Variants in ATR observed in about 807,000 individuals in gnomAD.
The protein encoded by ATR is ATR checkpoint kinase, also known as serine/threonine-protein kinase ATR.
A neutral mutation model predicts 305.3 loss-of-function variants in ATR; 142 were observed. That is an observed-to-expected ratio of 0.47 (90% CI 0.41 to 0.53). The LOEUF (loss-of-function observed/expected upper bound fraction) is 0.53, where lower values mean the gene tolerates loss of function less well. ATR is among the 20% of genes least tolerant of loss of function. The probability of loss-of-function intolerance (pLI) is 0.00; values close to 1 mark genes in which losing one functional copy is unlikely to be tolerated. For missense variants in ATR, 2,135 were observed against 3,133.1 expected (o/e 0.68, Z 7.60); for synonymous variants, 1,050 against 1,068.1 (o/e 0.98, Z 0.33).
At position 142,531,272 on chromosome 3, in the gene ATR, T is replaced by C. The variant is rs1374060212; in HGVS notation, c.3945+3808A>G. On this transcript the variant is annotated intron_variant, in intron 21 of 46. Coordinates refer to ENST00000350721, the MANE Select transcript of ATR (RefSeq NM_001184.4). ...TTATTTTATTTTATTTTTATTATTA[T>C]ACTTTAAGTTTTAGGGTACTTGTAC... Among the ~76,000 whole-genome samples the C allele has an allele frequency of 4.6e-5, 7 of 152,174 alleles. No individual in the cohort carries two copies. The East Asian group carries it at 1.3e-3, about 29-fold the overall frequency.
At chr3:142,470,732 C>T (rs1047234051) in intron 36 of ATR, among the ~76,000 whole-genome samples, 4 of 152,160 alleles carry the variant, frequency 2.6e-5, no homozygotes, top group Non-Finnish European at 5.9e-5. Context: ...AATCTTTTAT[C>T]TCCATAATTT....
chr3:142,542,268 G>A (rs1273037219), intron 17 of ATR, among the ~76,000 whole-genome samples: 1 of 152,146 alleles, frequency 6.6e-6, no homozygotes, highest in Admixed American at 6.5e-5. Context: ...TGGACTAGAT[G>A]TTGTGATGAC....
intron 30 of ATR, among the ~76,000 whole-genome samples, chr3:142,500,624 T>C (rs943122238): frequency 2.0e-5 from 3 of 152,176 alleles, no homozygotes; most frequent in Non-Finnish European, 4.4e-5. Context: ...CTTTTTATTG[T>C]AGTAAAAACA....
At chr3:142,577,539 TACG>T (rs1221796315) in intron 1 of ATR, among the ~76,000 whole-genome samples, 1 of 152,258 alleles carries the variant, frequency 6.6e-6, no homozygotes, top group Admixed American at 6.5e-5. Context: ...GTGATGCAGT[TACG>T]ACAAGAATGG....
At chr3:142,559,559 T>G (rs2034804401) in intron 6 of ATR, 118 bp from the exon 7 acceptor site, 1 of 971,212 alleles carries the variant, frequency 1.0e-6, no homozygotes, top group Non-Finnish European at 1.6e-6. Flanking sequence ...CTATAACAAT[T>G]TAAAGTAAAC....
At position 142,465,826 on chromosome 3, in the gene ATR, G is replaced by A. The variant is rs531590382; in HGVS notation, c.6897+498C>T. The A allele has an allele frequency of 4.3e-4, 73 of 171,404 alleles. 1 individual carries two copies. In the Middle Eastern group the frequency reaches 9.3e-3, roughly 22 times the overall value. The allele number at this position is 171,404 out of a possible 1,614,324, so 10.6% of individuals were successfully genotyped here. The stretch of plus-strand genomic sequence containing the variant: ...TCAAGACTAGCCTGGGCAACATGAC[G>A]AAACCCCGTATCTACAAAAAATTTA... On this transcript the variant is annotated intron_variant, in intron 40 of 46. Coordinates refer to ENST00000350721, the MANE Select transcript of ATR (RefSeq NM_001184.4).
At chr3:142,496,890 G>C in intron 33 of ATR, 123 bp downstream of exon 33, 1 of 1,152,002 alleles carries the variant, frequency 8.7e-7, no homozygotes, top group Non-Finnish European at 1.2e-6. Context: ...GTGTAGCCCT[G>C]ATCATTAAAA....
chr3:142,553,252 C>T lies in ATR; in HGVS notation c.2780G>A (p.Ser927Asn). 1 of 1,614,116 alleles carries T rather than the reference C, an allele frequency of 6.2e-7. No homozygotes were observed. Among genetic ancestry groups the T allele is most frequent in the Non-Finnish European group, 8.5e-7 (1 of 1,180,020 alleles). ...AKSVKLQSFF[S>N]QYKKPICQFL... ...CTGACAGATGGGTTTCTTATACTGGCTGAAAAAACTTTGCAGTTTAACACT... is the reference window on the plus strand; with the variant it reads ...CTGACAGATGGGTTTCTTATACTGGTTGAAAAAACTTTGCAGTTTAACACT... The change falls in exon 13 of 47, where the codon AGC becomes AAC. Residue 927 changes from serine (S) to asparagine (N), a missense_variant. By Grantham distance (46) the Ser-to-Asn change is conservative (BLOSUM62 1). Coordinates refer to ENST00000350721, the MANE Select transcript of ATR (RefSeq NM_001184.4).
In ATR at chr3:142,538,603, A is replaced by G; in HGVS notation, c.3604T>C (p.Cys1202Arg). 6.2e-7 allele frequency: 1 copy of G among 1,613,542 alleles called. No individual in the cohort carries two copies. Among genetic ancestry groups the G allele is most frequent in the Non-Finnish European group, 8.5e-7 (1 of 1,179,630 alleles). ...GAGCCCAGACAAGCATGATCCAGGC[A>G]GCGAACAAAGCAGTCCCAAGCTCTA... The part of the protein sequence containing the change: ...CCRAWDCFVR[C>R]LDHACLGSLL... Residue 1202 changes from cysteine to arginine, a missense_variant, in exon 19 of 47, where the codon TGC (cysteine) becomes CGC (arginine). Physicochemically the swap from Cys to Arg is radical, Grantham distance 180. Transcript: ENST00000350721.
At chr3:142,570,390 T>C (rs550593762) in intron 1 of ATR, among the ~76,000 whole-genome samples, 17 of 152,292 alleles carry the variant, frequency 1.1e-4, no homozygotes, top group African/African-American at 3.9e-4. Flanking sequence ...TTTTTATTTA[T>C]TTATTTACTT....
intron 4 of ATR, among the ~76,000 whole-genome samples, chr3:142,561,684 C>A (rs2108485928): frequency 6.6e-6 from 1 of 152,198 alleles, no homozygotes; most frequent in Admixed American, 6.5e-5. Context: ...AATTTTAATT[C>A]CCTTATAAAA....
Position 142,459,303 on chromosome 3 carries a change from G to T in ATR, c.7273C>A (p.Arg2425=), listed in dbSNP as rs1310011888. ...AALSEKLKVF[R]EFLLPRHPPI... ...GGATGCCTGGGCAGGAGAAATTCTC[G>T]GAATACTTTGAGTTTTTCAGATAAA... The change falls in exon 43 of 47, where the codon CGA becomes AGA. Residue 2425 remains arginine (R), a synonymous_variant. Coordinates refer to ENST00000350721, the MANE Select transcript of ATR (RefSeq NM_001184.4). 1 of 1,613,790 alleles carries T rather than the reference G, an allele frequency of 6.2e-7. No homozygotes were observed. Among genetic ancestry groups the T allele is most frequent in the African/African-American group, 1.3e-5 (1 of 74,896 alleles).
chr3:142,498,535 T>C, intron 32 of ATR, 62 bp downstream of exon 32: 1 of 1,534,948 alleles, frequency 6.5e-7, no homozygotes, highest in Non-Finnish European at 8.9e-7. Flanking sequence ...TCAAAAAAAT[T>C]TTCCAATCCT....
At chr3:142,528,219 T>C (rs981775425) in intron 21 of ATR, among the ~76,000 whole-genome samples, 1 of 152,248 alleles carries the variant, frequency 6.6e-6, no homozygotes, top group Non-Finnish European at 1.5e-5. Context: ...ACGTCTGACA[T>C]ATATTCACAA....
intron 5 of ATR, 124 bp from the exon 6 acceptor site, chr3:142,560,578 TGA>T (rs2034842829): frequency 2.7e-6 from 2 of 746,120 alleles, no homozygotes; most frequent in East Asian, 5.9e-5. Context: ...TTTTTTTTTG[TGA>T]GACAGAGTCT....
At chr3:142,560,520 T>C in intron 5 of ATR, 66 bp from the exon 6 acceptor site, 1 of 1,459,794 alleles carries the variant, frequency 6.9e-7, no homozygotes, top group South Asian at 1.2e-5. Flanking sequence ...ACATGAAACA[T>C]ATTTAGAATA....
intron 30 of ATR, among the ~76,000 whole-genome samples, chr3:142,502,007 A>G (rs1369730103): frequency 2.0e-5 from 3 of 152,198 alleles, no homozygotes; most frequent in South Asian, 2.1e-4. Context: ...TTGGCCTCCC[A>G]GAGTGCTGCA....
intron 24 of ATR, among the ~76,000 whole-genome samples, chr3:142,518,233 C>T (rs1247110903): frequency 2.0e-5 from 3 of 152,154 alleles, no homozygotes; most frequent in South Asian, 2.1e-4. Flanking sequence ...TTAAATAATG[C>T]TAATAGTGGC....
chr3:142,455,321 A>G (rs2070880678), intron 45 of ATR, among the ~76,000 whole-genome samples: 1 of 152,220 alleles, frequency 6.6e-6, no homozygotes, highest in Non-Finnish European at 1.5e-5. Flanking sequence ...TAACATGGTT[A>G]AGACAGCAAT....
Sources: gnomAD v4.1 joint callset for allele counts (sites outside exome capture counted in the v4.1 genomes callset) on GRCh38, gnomAD v4.1.1 for gene constraint, MANE v1.5 for transcripts, NCBI Gene and HGNC (gene_info 2026-07-23, HGNC 2026-07-21) for gene names.